DLGAP2: variants seen among roughly 807,000 people sequenced by gnomAD.
The protein encoded by DLGAP2 is DLG associated protein 2.
DLGAP2 carries 26 observed loss-of-function variants against 100.3 expected under a neutral mutation model. The observed-to-expected ratio is 0.26, with a 90% confidence interval of 0.19 to 0.36. The LOEUF (loss-of-function observed/expected upper bound fraction) is 0.36, where lower values mean the gene tolerates loss of function less well. Among genes scored for constraint, DLGAP2 ranks in the 10% least tolerant of loss-of-function variants. DLGAP2 has a pLI of 1.00. For missense variants in DLGAP2, 1,858 were observed against 1,453.2 expected, an observed-to-expected ratio of 1.28 and a Z score of -4.53; for synonymous variants, 886 against 630.1, an observed-to-expected ratio of 1.41 and a Z score of -6.08.
At chr8:1,206,099 C>T (rs1199639691) in intron 2 of DLGAP2, among the ~76,000 whole-genome samples, 2 of 152,176 alleles carry the variant, frequency 1.3e-5, no homozygotes, top group Admixed American at 6.5e-5. Context: ...CATGTTAACC[C>T]CTCTGCACCC....
At chr8:794,792 A>G (rs1022857384) in intron 1 of DLGAP2, among the ~76,000 whole-genome samples, 1 of 152,050 alleles carries the variant, frequency 6.6e-6, no homozygotes, top group South Asian at 2.1e-4. Flanking sequence ...CTGTGGGTGA[A>G]CGGTGTTTCT....
chr8:1,051,814 C>T (rs1282235305), intron 2 of DLGAP2, among the ~76,000 whole-genome samples: 2 of 152,094 alleles, frequency 1.3e-5, no homozygotes, highest in Admixed American at 6.5e-5. Context: ...TGCCTGGGCC[C>T]CTCAGGGCTT....
intron 3 of DLGAP2, among the ~76,000 whole-genome samples, chr8:1,409,137 C>A (rs1796657314): frequency 1.1e-5 from 1 of 89,148 alleles, no homozygotes; most frequent in Non-Finnish European, 2.6e-5. Context: ...AGGCGCCCGG[C>A]TCCCCTTGGA....
rs189962873 is a variant in DLGAP2 at position 1,325,552 on chromosome 8, A to T, written c.106+66669A>T. On this transcript the variant is annotated intron_variant, in intron 3 of 14. Transcript: ENST00000637795. ...ACATTGCTAGCTCAGGCCAAATTAA[A>T]TCTAGTTAACGTTTGCTTTTATTTG... is the stretch of plus-strand genomic sequence containing the variant. Among the ~76,000 whole-genome samples, 43 of 152,314 alleles carry T rather than the reference A, an allele frequency of 2.8e-4. No homozygotes were observed. In the East Asian group the frequency reaches 7.9e-3, roughly 28 times the overall value.
chr8:1,477,799 G>GAAAA (rs11394185), intron 3 of DLGAP2, among the ~76,000 whole-genome samples: 1 of 148,348 alleles, frequency 6.7e-6, no homozygotes, highest in Non-Finnish European at 1.5e-5. Flanking sequence ...AGGTGAGAAA[G>GAAAA]AAAAAAAAAA....
At chr8:1,151,887 T>A (rs946984473) in intron 2 of DLGAP2, among the ~76,000 whole-genome samples, 1 of 152,218 alleles carries the variant, frequency 6.6e-6, no homozygotes, top group Non-Finnish European at 1.5e-5. Flanking sequence ...AAATTAAGGG[T>A]CCAATACCAT....
At chr8:1,496,497 C>T (rs773675012) in intron 3 of DLGAP2, among the ~76,000 whole-genome samples, 15 of 152,162 alleles carry the variant, frequency 9.9e-5, no homozygotes, top group Admixed American at 7.2e-4. Flanking sequence ...CTTCTCAAGG[C>T]GCACTGCCCG....
intron 2 of DLGAP2, among the ~76,000 whole-genome samples, chr8:1,243,198 G>A (rs139854336): frequency 3.9e-4 from 60 of 152,342 alleles, no homozygotes; most frequent in Middle Eastern, 3.4e-3. Context: ...CACCAGGGGA[G>A]TGAGGACCCG....
intron 2 of DLGAP2, among the ~76,000 whole-genome samples, chr8:1,026,279 C>T (rs530780291): frequency 1.3e-5 from 2 of 152,320 alleles, no homozygotes; most frequent in Admixed American, 1.3e-4. Context: ...AGATGGCGCG[C>T]TTGCCCCATG....
intron 1 of DLGAP2, among the ~76,000 whole-genome samples, chr8:811,222 A>C (rs1332848328): frequency 2.6e-5 from 4 of 152,240 alleles, no homozygotes; most frequent in Non-Finnish European, 5.9e-5. Context: ...TCTGGGAAAG[A>C]GGTTTCCTCC....
chr8:1,300,212 T>G (rs1183769770), intron 3 of DLGAP2: 1 of 152,176 alleles, frequency 6.6e-6, no homozygotes, highest in Non-Finnish European at 1.5e-5. Flanking sequence ...CGTGTGTGTC[T>G]GTGTGCAAAG....
chr8:928,346 A>ACTAGGTGTCCTGGTCGGGGATTTACG (rs1798864707), intron 2 of DLGAP2, among the ~76,000 whole-genome samples: 1 of 152,150 alleles, frequency 6.6e-6, no homozygotes, highest in African/African-American at 2.4e-5. Context: ...GTTTGCGTTC[A>ACTAGGTGTCCTGGTCGGGGATTTACG]CTAGGTGTCC....
chr8:1,071,154 C>T (rs1029191089), intron 2 of DLGAP2, among the ~76,000 whole-genome samples: 6 of 152,246 alleles, frequency 3.9e-5, no homozygotes, highest in South Asian at 2.1e-4. Flanking sequence ...AGCTGCCGAG[C>T]GGAAGCTGGG....
chr8:1,595,243 G>A (rs1320484226), intron 6 of DLGAP2, among the ~76,000 whole-genome samples: 1 of 151,840 alleles, frequency 6.6e-6, no homozygotes, highest in East Asian at 1.9e-4. Flanking sequence ...GTTTTGCCAT[G>A]TTTCCCAGGT....
intron 3 of DLGAP2, among the ~76,000 whole-genome samples, chr8:1,417,536 T>TGCAATG (rs1796937007): frequency 6.6e-6 from 1 of 150,704 alleles, no homozygotes; most frequent in African/African-American, 2.4e-5. Context: ...CAGGTGTGAA[T>TGCAATG]GCAATGGGGA....
At chr8:1,218,583 GCT>G (rs1013594762) in intron 2 of DLGAP2, among the ~76,000 whole-genome samples, 1 of 151,990 alleles carries the variant, frequency 6.6e-6, no homozygotes, top group Non-Finnish European at 1.5e-5. Flanking sequence ...CTCCACCTTT[GCT>G]CTTTTTGCTT....
At chr8:1,103,283 G>T (rs1432235010) in intron 2 of DLGAP2, among the ~76,000 whole-genome samples, 1 of 152,226 alleles carries the variant, frequency 6.6e-6, no homozygotes, top group Non-Finnish European at 1.5e-5. Flanking sequence ...GACCCACCAT[G>T]CTGAAACTTT....
intron 3 of DLGAP2, among the ~76,000 whole-genome samples, chr8:1,328,036 C>G (rs999303209): frequency 2.6e-5 from 4 of 151,752 alleles, no homozygotes; most frequent in South Asian, 2.1e-4. Flanking sequence ...TAACAAGGGC[C>G]TTTTTATAGT....
intron 1 of DLGAP2, among the ~76,000 whole-genome samples, chr8:885,920 G>C (rs142977290): frequency 0.022 from 3,366 of 152,292 alleles, 56 homozygotes; most frequent in Non-Finnish European, 0.036. Context: ...TTAATAAAAT[G>C]AGTTAGGGAG....
Sources: gnomAD v4.1 joint callset for allele counts (sites outside exome capture counted in the v4.1 genomes callset) on GRCh38, gnomAD v4.1.1 for gene constraint, MANE v1.5 for transcripts, NCBI Gene and HGNC (gene_info 2026-07-23, HGNC 2026-07-21) for gene names.